Variants in RIPOR2 observed in about 807,000 individuals in gnomAD.
The protein encoded by RIPOR2 is RHO family interacting cell polarization regulator 2, also known as rho family-interacting cell polarization regulator 2.
A neutral mutation model predicts 114.5 loss-of-function variants in RIPOR2; 39 were observed. That is an observed-to-expected ratio of 0.34 (90% CI 0.26 to 0.44). The LOEUF (loss-of-function observed/expected upper bound fraction) is 0.44, where lower values mean the gene tolerates loss of function less well. Ranked by LOEUF, RIPOR2 falls within the 20% of genes least tolerant of loss-of-function variation. RIPOR2 has a pLI of 1.00. For synonymous variants in RIPOR2, 445 were observed against 484.4 expected (o/e 0.92, Z 1.07); for missense variants, 1,007 against 1,255.1 (o/e 0.80, Z 2.99).
rs1165652027 is a variant in RIPOR2 at position 24,828,394 on chromosome 6, G to A, written c.2507-99C>T. 3 of 1,129,784 alleles carry A rather than the reference G, an allele frequency of 2.7e-6. No homozygotes were observed. In the East Asian group the frequency reaches 9.1e-5, roughly 34 times the overall value. 70.0% of individuals were successfully genotyped at this position (1,129,784 alleles called of 1,614,324 possible). On this transcript the variant is annotated intron_variant, in intron 17 of 21. Transcript: ENST00000643898. ...TATTTTTATTTTTATTTTAGAGACA[G>A]GGTCTCACTTTGTTGCCCAGGTTGG...
At chr6:24,904,929 C>G (rs182840322) in intron 1 of RIPOR2, among the ~76,000 whole-genome samples, 46 of 152,266 alleles carry the variant, frequency 3.0e-4, no homozygotes, top group African/African-American at 1.0e-3. Flanking sequence ...CGTATACCAC[C>G]GTGCCCAGCT....
In RIPOR2 at chr6:24,838,439, T is replaced by C. The variant is rs189430702; in HGVS notation, c.2039+652A>G. 2.6e-5 allele frequency among the ~76,000 whole-genome samples: 4 copies of C among 152,304 alleles called. No individual in the cohort carries two copies. The East Asian group carries it at 7.7e-4, about 29-fold the overall frequency. On this transcript the variant is annotated intron_variant, in intron 14 of 21. Transcript: ENST00000643898. Reference sequence around the variant, plus strand: ...AGTAAGAGTTCTTCAGAAATGTGTATACCTAGTTAATTTGGAATTAATTAC... The same window carrying C: ...AGTAAGAGTTCTTCAGAAATGTGTACACCTAGTTAATTTGGAATTAATTAC...
chr6:24,992,287 C>T (rs1406361142), intron 1 of RIPOR2, among the ~76,000 whole-genome samples: 1 of 152,162 alleles, frequency 6.6e-6, no homozygotes, highest in African/African-American at 2.4e-5. Context: ...TCTTATCACG[C>T]AGAAGACATT....
At chr6:25,038,552 G>A (rs955926508) in intron 1 of RIPOR2, among the ~76,000 whole-genome samples, 1 of 152,216 alleles carries the variant, frequency 6.6e-6, no homozygotes, top group Non-Finnish European at 1.5e-5. Context: ...ACCATGTTAT[G>A]GAGAGGGTCA....
chr6:24,846,367 T>C (rs1170971771), intron 12 of RIPOR2, among the ~76,000 whole-genome samples: 2 of 139,860 alleles, frequency 1.4e-5, no homozygotes, highest in Admixed American at 1.6e-4. Flanking sequence ...ACTGCAGTGG[T>C]GCAATCATAA....
intron 19 of RIPOR2, among the ~76,000 whole-genome samples, chr6:24,819,793 A>AC (rs973864048): frequency 6.6e-6 from 1 of 150,462 alleles, no homozygotes; most frequent in African/African-American, 2.4e-5. Context: ...GAGCTACTGC[A>AC]CCCGGCCAAT....
At position 24,835,733 on chromosome 6, in the gene RIPOR2, C is replaced by A; in HGVS notation, c.2178G>T (p.Arg726Ser). 6.4e-7 allele frequency: 1 copy of A among 1,551,632 alleles called. No homozygotes were observed. The highest frequency in any genetic ancestry group is 8.7e-7 in the Non-Finnish European group (1 of 1,146,964). Reference sequence around the variant, plus strand: ...CGAGTTGGGTGCAGTACTGGAGGTGCCTGACGATGGTGATGTCCAGGCTCT... The same window carrying A: ...CGAGTTGGGTGCAGTACTGGAGGTGACTGACGATGGTGATGTCCAGGCTCT... ...GNESLDITIVRHLQYCTQLVQ... is the reference protein window; with the variant it reads ...GNESLDITIVSHLQYCTQLVQ... The change falls in exon 15 of 22, where the codon AGG (arginine) becomes AGT (serine). Residue 726 changes from arginine (R) to serine (S), a missense_variant. Physicochemically the swap from Arg to Ser is moderately radical, Grantham distance 110. Coordinates refer to ENST00000643898, the MANE Select transcript of RIPOR2 (RefSeq NM_001286445.3).
At chr6:25,041,535 G>A (rs1337493515) in intron 1 of RIPOR2, among the ~76,000 whole-genome samples, 1 of 152,184 alleles carries the variant, frequency 6.6e-6, no homozygotes. Flanking sequence ...CTCCTTGACC[G>A]ATGTAAATAT....
rs1038122892 is a variant in RIPOR2, at chr6:24,858,995, A to G, written c.715+1978T>C. On this transcript the variant is annotated intron_variant, in intron 8 of 21. Coordinates refer to ENST00000643898, the MANE Select transcript of RIPOR2 (RefSeq NM_001286445.3). This position sits in a 1 kb window ranked among gnomAD's most constrained non-coding sequence, Gnocchi z 4.0. Reference sequence around the variant, plus strand: ...TGCCCGTGAGGGAGACCATTCTTTGAGCAATGGTTTATATTGTCTGCTCAG... The same window carrying G: ...TGCCCGTGAGGGAGACCATTCTTTGGGCAATGGTTTATATTGTCTGCTCAG... 4.6e-5 allele frequency among the ~76,000 whole-genome samples: 7 copies of G among 152,056 alleles called. No individual in the cohort carries two copies. The highest frequency in any genetic ancestry group is 1.4e-4 in the African/African-American group (6 of 41,384).
Position 25,037,143 on chromosome 6 carries a change from T to C in RIPOR2, c.76+4708A>G, listed in dbSNP as rs1777288352. Among the ~76,000 whole-genome samples the C allele has an allele frequency of 6.6e-6, 1 of 152,014 alleles. No homozygotes were observed. On this transcript the variant is annotated intron_variant, in intron 1 of 13. Coordinates refer to the RIPOR2 transcript ENST00000510784. The surrounding 1 kb of genome is among the most constrained non-coding windows in gnomAD (Gnocchi z 4.5). ...CCCTCCAATAACAATGGGAGGTGGG[T>C]GTTACTGTAATAAGCATTTTAAGGT... is the stretch of plus-strand genomic sequence containing the variant.
intron 1 of RIPOR2, among the ~76,000 whole-genome samples, chr6:24,882,518 A>G (rs934682942): frequency 2.6e-4 from 39 of 152,238 alleles, no homozygotes; most frequent in African/African-American, 8.9e-4. Context: ...TCATTAAAGG[A>G]AATATGATTC....
chr6:24,973,991 G>T (rs570069595), intron 1 of RIPOR2, among the ~76,000 whole-genome samples: 2 of 152,234 alleles, frequency 1.3e-5, no homozygotes, highest in South Asian at 4.2e-4. Flanking sequence ...GTAACTACTG[G>T]GTACTATGTT....
At chr6:24,988,224 C>G (rs1774623235) in intron 1 of RIPOR2, among the ~76,000 whole-genome samples, 1 of 152,186 alleles carries the variant, frequency 6.6e-6, no homozygotes, top group Admixed American at 6.5e-5. Flanking sequence ...GAGTCTCTCT[C>G]TGTCACCCAG....
chr6:24,858,675 G>T lies in RIPOR2; in HGVS notation c.715+2298C>A, dbSNP rs1308307211. On this transcript the variant is annotated intron_variant, in intron 8 of 21. Coordinates refer to ENST00000643898, the MANE Select transcript of RIPOR2 (RefSeq NM_001286445.3). This position sits in a 1 kb window ranked among gnomAD's most constrained non-coding sequence, Gnocchi z 4.0. ...AATGAGGAAGGAGATTTAGTCTCAG[G>T]CCTGAGAAACCCCATGGAAGAAACC... 6.6e-6 allele frequency among the ~76,000 whole-genome samples: 1 copy of T among 152,148 alleles called. No homozygotes were observed. The highest frequency in any genetic ancestry group is 1.5e-5 in the Non-Finnish European group (1 of 68,032).
chr6:24,964,152 T>TGTGA (rs1276395190), intron 1 of RIPOR2, among the ~76,000 whole-genome samples: 7 of 77,678 alleles, frequency 9.0e-5, no homozygotes, highest in East Asian at 6.8e-4. Flanking sequence ...TGGCTCTGTG[T>TGTGA]GTGTGTGTGT....
At chr6:24,925,432 G>A (rs928348313) in intron 1 of RIPOR2, among the ~76,000 whole-genome samples, 1 of 152,138 alleles carries the variant, frequency 6.6e-6, no homozygotes, top group African/African-American at 2.4e-5. Flanking sequence ...GGCTGGGCGC[G>A]GTGGGTCATG....
chr6:24,838,304 A>G lies in RIPOR2; in HGVS notation c.2039+787T>C, dbSNP rs553690816. ...TTGATGAACTCAATCTCTGGCAAAG[A>G]CTCACTGGGTTGAAGGAAACATGAA... On this transcript the variant is annotated intron_variant, in intron 14 of 21. Coordinates refer to ENST00000643898, the MANE Select transcript of RIPOR2 (RefSeq NM_001286445.3). Among the ~76,000 whole-genome samples the G allele has an allele frequency of 3.3e-5, 5 of 152,288 alleles. No homozygotes were observed. In the East Asian group the frequency reaches 9.6e-4, roughly 29 times the overall value.
intron 1 of RIPOR2, among the ~76,000 whole-genome samples, chr6:24,985,935 A>C (rs1410687): frequency 0.37 from 56,249 of 151,912 alleles, 10,586 homozygotes; most frequent in South Asian, 0.43. Context: ...GTGAAATATA[A>C]TAGTACAAGT....
intron 1 of RIPOR2, among the ~76,000 whole-genome samples, chr6:24,983,132 C>T (rs540081873): frequency 1.3e-5 from 2 of 151,546 alleles, no homozygotes; most frequent in Non-Finnish European, 2.9e-5. Context: ...CAAACTTGGC[C>T]CAAATAAACT....
Sources: allele counts gnomAD v4.1 joint callset (sites outside exome capture counted in the v4.1 genomes callset), GRCh38; gene constraint gnomAD v4.1.1; non-coding constraint Gnocchi (gnomAD v3.1); transcripts MANE v1.5; gene names NCBI Gene and HGNC (gene_info 2026-07-23, HGNC 2026-07-21).